Variants in LHFPL7 observed in about 807,000 individuals in gnomAD.
LHFPL7 encodes LHFPL tetraspan subfamily member 7.
chr22:24,940,687 C>CCTTCCTTCCTTCCTTCCCTCCTTCCT, the LHFPL7 span, among the ~76,000 whole-genome samples: 1 of 16,850 alleles, frequency 5.9e-5, no homozygotes, highest in Non-Finnish European at 1.2e-4. Context: ...CCTTCCTTCT[C>CCTTCCTTCCTTCCTTCCCTCCTTCCT]TCTCCCTCCC....
the LHFPL7 span, chr22:24,935,545 G>C: frequency 1.9e-6 from 3 of 1,613,736 alleles, no homozygotes; most frequent in East Asian, 2.2e-5. Context: ...TTGATGAATG[G>C]GGAGGCAAGG....
the LHFPL7 span, chr22:24,935,324 A>G: frequency 6.2e-7 from 1 of 1,609,834 alleles, no homozygotes; most frequent in Non-Finnish European, 8.5e-7. Flanking sequence ...TGCTACTCCC[A>G]GGAGATTTTT....
chr22:24,940,248 G>T, the LHFPL7 span, among the ~76,000 whole-genome samples: 2 of 147,988 alleles, frequency 1.4e-5, no homozygotes, highest in East Asian at 4.1e-4. Flanking sequence ...CTTCCATGGA[G>T]CCTCCTCTGT....
At chr22:24,941,025 C>G in the LHFPL7 span, among the ~76,000 whole-genome samples, 1 of 151,344 alleles carries the variant, frequency 6.6e-6, no homozygotes, top group Admixed American at 6.6e-5. Flanking sequence ...AGGCTGGCCT[C>G]AAGGAACACA....
At chr22:24,946,063 AC>A in the LHFPL7 span, among the ~76,000 whole-genome samples, 3 of 152,234 alleles carry the variant, frequency 2.0e-5, no homozygotes, top group Non-Finnish European at 2.9e-5. Context: ...TAATCCCAGC[AC>A]TTTGCAAGGC....
the LHFPL7 span, among the ~76,000 whole-genome samples, chr22:24,940,686 TCTCTCC>T: frequency 0.017 from 244 of 14,542 alleles, 7 homozygotes; most frequent in East Asian, 0.25. Flanking sequence ...TCCTTCCTTC[TCTCTCC>T]CTCCCTCCTT....
At chr22:24,940,295 T>A in the LHFPL7 span, among the ~76,000 whole-genome samples, 4 of 143,770 alleles carry the variant, frequency 2.8e-5, no homozygotes, top group Admixed American at 1.4e-4. Flanking sequence ...GGGCACCTTT[T>A]AAAAATTCAC....
At chr22:24,944,739 TA>T in the LHFPL7 span, among the ~76,000 whole-genome samples, 1 of 151,620 alleles carries the variant, frequency 6.6e-6, no homozygotes, top group Non-Finnish European at 1.5e-5. Context: ...TTTATTTATT[TA>T]TTTATTTATT....
the LHFPL7 span, among the ~76,000 whole-genome samples, chr22:24,940,501 C>A: frequency 6.6e-6 from 1 of 151,074 alleles, no homozygotes; most frequent in African/African-American, 2.4e-5. Flanking sequence ...GAGGCTGAGG[C>A]AGGAGAATGG....
chr22:24,945,015 G>A, the LHFPL7 span, among the ~76,000 whole-genome samples: 282 of 152,152 alleles, frequency 1.9e-3, no homozygotes, highest in Non-Finnish European at 2.7e-3. Context: ...TCACCACGTT[G>A]GCTAGGCTGG....
the LHFPL7 span, chr22:24,938,189 C>G: frequency 3.1e-6 from 5 of 1,614,102 alleles, no homozygotes; most frequent in Non-Finnish European, 4.2e-6. Flanking sequence ...CACTGCTTCT[C>G]CTTGGGCACA....
At chr22:24,939,669 G>GC in the LHFPL7 span, 12 of 644,288 alleles carry the variant, frequency 1.9e-5, no homozygotes, top group Admixed American at 6.8e-5. Context: ...CAGATCATCA[G>GC]CCCCCCTTGA....
At chr22:24,939,920 A>G in the LHFPL7 span, among the ~76,000 whole-genome samples, 1 of 99,426 alleles carries the variant, frequency 1.0e-5, no homozygotes, top group South Asian at 4.0e-4. Context: ...TCATTCATTT[A>G]TCGCTTTTTT....
the LHFPL7 span, chr22:24,946,498 A>G: frequency 7.0e-6 from 1 of 142,008 alleles, no homozygotes; most frequent in African/African-American, 2.7e-5. Flanking sequence ...ACAGCCCCTG[A>G]ACGTGCTTTG....
chr22:24,935,402 G>T, the LHFPL7 span: 12 of 1,614,008 alleles, frequency 7.4e-6, no homozygotes, highest in Non-Finnish European at 1.0e-5. Flanking sequence ...TCCTCCCTTG[G>T]ACCTTGGTTG....
At chr22:24,942,149 C>T in the LHFPL7 span, among the ~76,000 whole-genome samples, 1 of 151,912 alleles carries the variant, frequency 6.6e-6, no homozygotes, top group East Asian at 2.0e-4. Flanking sequence ...CGCCCGCCAC[C>T]ATGCCCGGCT....
chr22:24,945,871 G>A, the LHFPL7 span, among the ~76,000 whole-genome samples: 1 of 152,208 alleles, frequency 6.6e-6, no homozygotes, highest in South Asian at 2.1e-4. Flanking sequence ...TCCAATTTCT[G>A]GATCTATTCC....
chr22:24,939,674 C>T, the LHFPL7 span: 10 of 636,038 alleles, frequency 1.6e-5, no homozygotes, highest in Non-Finnish European at 2.6e-5. Context: ...CATCAGCCCC[C>T]CTTGAGCCTG....
the LHFPL7 span, among the ~76,000 whole-genome samples, chr22:24,940,718 T>C: frequency 0.02 from 2,408 of 119,652 alleles, 152 homozygotes; most frequent in African/African-American, 0.069. Flanking sequence ...CTTCCCTTTC[T>C]TTCCTTCCTT....
Sources: gnomAD v4.1 joint callset for allele counts (sites outside exome capture counted in the v4.1 genomes callset) on GRCh38, gnomAD v4.1.1 for gene constraint, MANE v1.5 for transcripts, NCBI Gene and HGNC (gene_info 2026-07-23, HGNC 2026-07-21) for gene names.